Variants in NEMF observed in about 807,000 individuals in gnomAD.
The protein encoded by NEMF is nuclear export mediator factor, also known as ribosome quality control complex subunit NEMF.
A neutral mutation model predicts 162.2 loss-of-function variants in NEMF; 89 were observed. The ratio of observed to expected loss-of-function variants is 0.55; its 90% CI spans 0.46 to 0.65. The LOEUF (loss-of-function observed/expected upper bound fraction) is 0.65. NEMF is among the 30% of genes least tolerant of loss of function. The probability of loss-of-function intolerance (pLI) is 0.00; values close to 1 mark genes in which losing one functional copy is unlikely to be tolerated. For missense variants in NEMF, 1,133 were observed against 1,261.9 expected, an observed-to-expected ratio of 0.90 and a Z score of 1.55; for synonymous variants, 421 against 404.5, an observed-to-expected ratio of 1.04 and a Z score of -0.49.
At chr14:49,799,396 G>A (rs1890850742) in intron 25 of NEMF, 79 bp downstream of exon 25, 1 of 1,185,470 alleles carries the variant, frequency 8.4e-7, no homozygotes, top group Non-Finnish European at 1.2e-6. Flanking sequence ...AAACAGCTAA[G>A]TAATCTGTGG....
intron 3 of NEMF, among the ~76,000 whole-genome samples, chr14:49,848,884 G>C (rs117842801): frequency 0.019 from 2,428 of 125,086 alleles, 33 homozygotes; most frequent in Non-Finnish European, 0.029. Context: ...TTTTACAGAA[G>C]TTAATCTAAG....
chr14:49,847,264 C>T (rs373202338), intron 3 of NEMF, among the ~76,000 whole-genome samples: 1 of 151,936 alleles, frequency 6.6e-6, no homozygotes, highest in East Asian at 1.9e-4. Flanking sequence ...TACAGTAGCA[C>T]AATCTTGGCT....
chr14:49,852,593 A>G, intron 1 of NEMF, 102 bp downstream of exon 1: 1 of 1,293,480 alleles, frequency 7.7e-7, no homozygotes, highest in South Asian at 1.2e-5. Context: ...TAGACGCACT[A>G]GGAAATAAGG....
At position 49,833,429 on chromosome 14, in the gene NEMF, A is replaced by G; in HGVS notation, c.729T>C (p.Ser243=). 1 of 1,581,632 alleles carries G rather than the reference A, an allele frequency of 6.3e-7. No individual in the cohort carries two copies. The highest frequency in any genetic ancestry group is 8.6e-7 in the Non-Finnish European group (1 of 1,157,358). The stretch of plus-strand genomic sequence containing the variant: ...TAAGTATACATGGTGCTACCTTCCC[A>G]CTGAAGTTGGATGTTGTTTTCATAT... The part of the protein sequence containing the change: ...EDYMKTTSNF[S]GKGYIIQKRE... The change falls in exon 8 of 33, where the codon AGT becomes AGC. Residue 243 remains serine, a synonymous_variant. Transcript: ENST00000298310.
At chr14:49,828,267 T>C in intron 15 of NEMF, 24 bp downstream of exon 15, 1 of 1,522,186 alleles carries the variant, frequency 6.6e-7, no homozygotes, top group Non-Finnish European at 9.1e-7. Context: ...ACAACTAACA[T>C]TCACTCTAAG....
chr14:49,832,436 A>G (rs545532370), intron 8 of NEMF, among the ~76,000 whole-genome samples, 159 bp from the exon 9 acceptor site: 1 of 151,926 alleles, frequency 6.6e-6, no homozygotes, highest in East Asian at 1.9e-4. Context: ...GGTTCAAGCA[A>G]TTCTCATGCC....
rs539794717 is a variant in NEMF at position 49,840,688 on chromosome 14, C to T, written c.506+30G>A. ...TTGCCCAGTACATTTTAATACAATA[C>T]GAAATGGGTTTAAAAACAAAACACT... On this transcript the variant is annotated intron_variant, in intron 5 of 32. Transcript: ENST00000298310. 3.7e-5 allele frequency: 59 copies of T among 1,593,664 alleles called. No individual in the cohort carries two copies. In the Middle Eastern group the frequency reaches 6.7e-4, roughly 18 times the overall value.
intron 18 of NEMF, among the ~76,000 whole-genome samples, chr14:49,810,961 C>T (rs1380814674): frequency 2.0e-5 from 3 of 152,150 alleles, no homozygotes; most frequent in Non-Finnish European, 4.4e-5. Flanking sequence ...TTTATTACAG[C>T]CTGGGTGACA....
chr14:49,806,256 A>ATTTC (rs1891204453), intron 18 of NEMF, 123 bp from the exon 19 acceptor site: 1 of 38,552 alleles, frequency 2.6e-5, no homozygotes, highest in African/African-American at 1.2e-4. Context: ...ATATATATAT[A>ATTTC]TTTTTTTTTT....
rs1890002509 is a variant in NEMF at position 49,783,325 on chromosome 14, T to C, written c.*1311A>G. On this transcript the variant is annotated 3_prime_UTR_variant, in exon 33 of 33. Coordinates refer to ENST00000298310, the MANE Select transcript of NEMF (RefSeq NM_004713.6). ...TTTTTTTTTTTAATGGCAAGAGTAG[T>C]CTATAGTTATGTAACCTAGTGTTGT... The C allele has an allele frequency of 6.4e-6, 1 of 155,690 alleles. No homozygotes were observed. The highest frequency in any genetic ancestry group is 1.4e-5 in the Non-Finnish European group (1 of 70,764). 9.6% of individuals were successfully genotyped at this position (155,690 alleles called of 1,614,324 possible).
intron 29 of NEMF, 180 bp from the exon 30 acceptor site, chr14:49,785,500 TTAAATA>T (rs773726863): frequency 1.8e-6 from 1 of 562,498 alleles, no homozygotes; most frequent in Non-Finnish European, 3.2e-6. Flanking sequence ...AGACCAATGT[TTAAATA>T]TATTCTTTAC....
At chr14:49,848,031 C>CAA (rs76205967) in intron 3 of NEMF, among the ~76,000 whole-genome samples, 14 of 79,424 alleles carry the variant, frequency 1.8e-4, no homozygotes, top group Admixed American at 2.9e-4. Flanking sequence ...GACTCTGTCT[C>CAA]AAAAAAAAAA....
chr14:49,832,403 C>T (rs1892690699), intron 8 of NEMF, 126 bp from the exon 9 acceptor site: 1 of 616,504 alleles, frequency 1.6e-6, no homozygotes, highest in African/African-American at 1.9e-5. Flanking sequence ...ATATTCTCGG[C>T]TCACTGCAAC....
Position 49,852,692 on chromosome 14 carries a change from T to G in NEMF, c.59+3A>C. On this transcript the variant is annotated splice_donor_region_variant and intron_variant, in intron 1 of 32. Transcript: ENST00000298310. ...ACGAGCCTCGTCACTTAGGGTACTG[T>G]ACCTAGCATTCAGCTCCGCGAGTAC... 1 of 1,614,238 alleles carries G rather than the reference T, an allele frequency of 6.2e-7. No homozygotes were observed. The highest frequency in any genetic ancestry group is 1.3e-5 in the African/African-American group (1 of 75,070).
At chr14:49,824,315 C>T (rs539386714) in intron 16 of NEMF, among the ~76,000 whole-genome samples, 8 of 152,106 alleles carry the variant, frequency 5.3e-5, no homozygotes, top group Non-Finnish European at 8.8e-5. Context: ...GAGGCTGAGG[C>T]GGGTGGAACA....
At chr14:49,796,353 T>A in intron 25 of NEMF, 1 of 453,376 alleles carries the variant, frequency 2.2e-6, no homozygotes, top group East Asian at 7.0e-5. Flanking sequence ...AATACACAGG[T>A]TAAGAAGGAA....
intron 5 of NEMF, among the ~76,000 whole-genome samples, chr14:49,840,238 G>C (rs1555352062): frequency 6.6e-6 from 1 of 152,194 alleles, no homozygotes; most frequent in Non-Finnish European, 1.5e-5. Flanking sequence ...GAGGCAGGCA[G>C]ATTGCCTGAG....
intron 15 of NEMF, 101 bp from the exon 16 acceptor site, chr14:49,826,056 G>A: frequency 6.0e-5 from 37 of 614,344 alleles, no homozygotes; most frequent in South Asian, 1.1e-4. Flanking sequence ...GTCACAAAAT[G>A]GCACAATCTA....
intron 26 of NEMF, among the ~76,000 whole-genome samples, chr14:49,792,041 G>A (rs1215696035): frequency 6.6e-6 from 1 of 151,868 alleles, no homozygotes. Context: ...TACTAGGGAA[G>A]CTGAGATGGG....
Sources: allele counts gnomAD v4.1 joint callset (sites outside exome capture counted in the v4.1 genomes callset), GRCh38; gene constraint gnomAD v4.1.1; transcripts MANE v1.5; gene names NCBI Gene and HGNC (gene_info 2026-07-23, HGNC 2026-07-21).